The following PRTN3 variants were observed in gnomAD, a reference collection of about 807,000 sequenced individuals.
PRTN3 encodes myeloblastin.
PRTN3 carries 22 observed loss-of-function variants against 20.7 expected under a neutral mutation model. The ratio of observed to expected loss-of-function variants is 1.06; its 90% CI spans 0.76 to 1.52. The LOEUF is 1.52. Ranked by LOEUF, PRTN3 falls within the 40% of genes most tolerant of loss-of-function variation. The pLI is 0.00. For synonymous variants in PRTN3, 173 were observed against 152.9 expected, an observed-to-expected ratio of 1.13 and a Z score of -0.97; for missense variants, 378 against 359.6, an observed-to-expected ratio of 1.05 and a Z score of -0.41.
Position 847,995 on chromosome 19 carries a change from G to C in PRTN3, c.*26G>C, listed in dbSNP as rs768971334. The C allele has an allele frequency of 1.9e-6, 3 of 1,577,022 alleles. No individual in the cohort carries two copies. The highest frequency in any genetic ancestry group is 2.6e-6 in the Non-Finnish European group (3 of 1,163,100). On this transcript the variant is annotated 3_prime_UTR_variant, in exon 5 of 5. Coordinates refer to ENST00000234347, the MANE Select transcript of PRTN3 (RefSeq NM_002777.4). ...ACCGCCCCTCCCACAGCGCTGGCCG[G>C]GACCCCGAGCCTGGCTCCAAACCCT...
intron 3 of PRTN3, 137 bp downstream of exon 3, chr19:844,171 G>C: frequency 1.7e-6 from 2 of 1,204,070 alleles, no homozygotes; most frequent in Non-Finnish European, 2.2e-6. Context: ...GGGTCCAGTG[G>C]CACTGGCCGG....
chr19:847,108 C>T (rs1414527769), intron 4 of PRTN3, among the ~76,000 whole-genome samples: 1 of 152,132 alleles, frequency 6.6e-6, no homozygotes, highest in Non-Finnish European at 1.5e-5. Context: ...GAGTTCAAGA[C>T]CAGCCTGGGC....
intron 1 of PRTN3, among the ~76,000 whole-genome samples, chr19:842,534 C>T (rs923298466): frequency 6.2e-5 from 9 of 144,338 alleles, no homozygotes; most frequent in Non-Finnish European, 1.2e-4. Flanking sequence ...ATTCTCCTGC[C>T]TCAGCCTCCC....
rs7257699 is a variant in PRTN3, at chr19:843,454, C to G, written c.62-7C>G. The G allele has an allele frequency of 4.6e-4, 720 of 1,553,524 alleles. 4 individuals are homozygous for G. Among genetic ancestry groups the G allele is most frequent in the South Asian group, 4.0e-4 (34 of 85,014 alleles). On this transcript the variant is annotated splice_region_variant and splice_polypyrimidine_tract_variant and intron_variant, in intron 1 of 4. Transcript: ENST00000234347. ...GGCTCCCTGACGCCTGGACTCCCCC[C>G]CTGCAGGTGCTGCCCGAGCTGCGGA...
intron 1 of PRTN3, among the ~76,000 whole-genome samples, chr19:842,432 TTTTTTG>T: frequency 7.6e-6 from 1 of 132,202 alleles, no homozygotes; most frequent in Non-Finnish European, 1.6e-5. Context: ...TTTTTTTTTT[TTTTTTG>T]AGACAGAATC....
chr19:841,540 G>GTGAGTGAATGAATGAGTGAA (rs1212355280), intron 1 of PRTN3, among the ~76,000 whole-genome samples: 7 of 53,858 alleles, frequency 1.3e-4, no homozygotes, highest in East Asian at 3.8e-4. Context: ...GAATCAATGA[G>GTGAGTGAATGAATGAGTGAA]TGAGTGAATG....
In PRTN3 at chr19:846,774, G is replaced by A. The variant is rs56249822; in HGVS notation, c.600+397G>A. 5.3e-3 allele frequency among the ~76,000 whole-genome samples: 813 copies of A among 152,180 alleles called. 6 individuals carry two copies. The highest frequency in any genetic ancestry group is 0.018 in the African/African-American group (749 of 41,508). On this transcript the variant is annotated intron_variant, in intron 4 of 4. Transcript: ENST00000234347. ...TTGTTTGTTTTTGAGACGGAGTGTC[G>A]CTCTGTTGTCCAGGCTGGAGTGCAG...
intron 1 of PRTN3, 161 bp from the exon 2 acceptor site, chr19:843,300 A>AC (rs537237865): frequency 7.1e-5 from 48 of 677,918 alleles, no homozygotes; most frequent in Admixed American, 1.9e-4. Flanking sequence ...CGTAATTATA[A>AC]CCCCCCCGGC....
chr19:844,166 C>T, intron 3 of PRTN3, 132 bp downstream of exon 3: 1 of 1,243,142 alleles, frequency 8.0e-7, no homozygotes, highest in South Asian at 1.5e-5. Context: ...AGCCTGGGTC[C>T]AGTGGCACTG....
chr19:847,940 C>T lies in PRTN3; in HGVS notation c.742C>T (p.Arg248Cys), dbSNP rs1450238213. 7 of 1,605,368 alleles carry T rather than the reference C, an allele frequency of 4.4e-6. No homozygotes were observed. The highest frequency in any genetic ancestry group is 5.1e-6 in the Non-Finnish European group (6 of 1,176,014). ...CGTGGACTGGATCCGTTCCACGCTG[C>T]GCCGTGTGGAGGCCAAGGGCCGCCC... ...LYVDWIRSTLRRVEAKGRP is the reference protein window; with the variant it reads ...LYVDWIRSTLCRVEAKGRP Residue 248 changes from arginine to cysteine, a missense_variant, in exon 5 of 5, where the codon CGC becomes TGC. Arg to Cys is a radical substitution (Grantham distance 180, BLOSUM62 -3). Coordinates refer to ENST00000234347, the MANE Select transcript of PRTN3 (RefSeq NM_002777.4).
rs1335617998 is a variant in PRTN3 at position 846,210 on chromosome 19, C to G, written c.433C>G (p.Pro145Ala). 6.5e-7 allele frequency: 1 copy of G among 1,544,838 alleles called. No individual in the cohort carries two copies. Among genetic ancestry groups the G allele is most frequent in the Non-Finnish European group, 8.7e-7 (1 of 1,144,012 alleles). The change falls in exon 4 of 5, where the codon CCA (proline) becomes GCA (alanine). Residue 145 changes from proline to alanine, a missense_variant. By Grantham distance (27) the Pro-to-Ala change is conservative. Transcript: ENST00000234347. ...ATVQLPQQDQPVPHGTQCLAM... is the reference protein window; with the variant it reads ...ATVQLPQQDQAVPHGTQCLAM... ...AGTCCAGCTGCCACAGCAGGACCAG[C>G]CAGTGCCCCACGGCACCCAGTGCCT...
At chr19:845,160 C>T (rs2035500204) in intron 3 of PRTN3, among the ~76,000 whole-genome samples, 1 of 151,886 alleles carries the variant, frequency 6.6e-6, no homozygotes, top group East Asian at 2.0e-4. Context: ...GTTGGCCAGG[C>T]TGGTCTCGAA....
chr19:843,967 C>A lies in PRTN3; in HGVS notation c.302C>A (p.Ser101Ter), dbSNP rs763921043. ...RTQEPTQQHF[S>*]VAQVFLNNYD... ...CAGGAGCCCACCCAGCAGCACTTCT[C>A]GGTGGCTCAGGTGTTTCTGAACAAC... Residue 101 changes from serine (S) to a stop codon, truncating the protein, a stop_gained, in exon 3 of 5, where the codon TCG becomes TAG. Transcript: ENST00000234347. LOFTEE classifies it high-confidence loss of function. 3 of 1,604,242 alleles carry A rather than the reference C, an allele frequency of 1.9e-6. No individual in the cohort carries two copies. The highest frequency in any genetic ancestry group is 2.6e-6 in the Non-Finnish European group (3 of 1,176,084).
intron 4 of PRTN3, 85 bp from the exon 5 acceptor site, chr19:847,714 G>GC: frequency 1.4e-6 from 2 of 1,463,818 alleles, no homozygotes; most frequent in Non-Finnish European, 1.8e-6. Flanking sequence ...GACTCAGGTG[G>GC]CCCCTGATGG....
intron 2 of PRTN3, 86 bp downstream of exon 2, chr19:843,712 G>A: frequency 2.0e-6 from 3 of 1,487,346 alleles, no homozygotes; most frequent in South Asian, 2.6e-5. Flanking sequence ...TGCCCGGGGA[G>A]GACCCAGCTA....
At chr19:842,439 A>ATTTTTTTTT (rs1568298722) in intron 1 of PRTN3, among the ~76,000 whole-genome samples, 1 of 18,664 alleles carries the variant, frequency 5.4e-5, no homozygotes, top group Non-Finnish European at 9.8e-5. Context: ...TTTTTTTTTG[A>ATTTTTTTTT]GACAGAATCT....
At position 847,819 on chromosome 19, in the gene PRTN3, G is replaced by A; in HGVS notation, c.621G>A (p.Leu207=). 1 of 1,608,910 alleles carries A rather than the reference G, an allele frequency of 6.2e-7. No homozygotes were observed. Among genetic ancestry groups the A allele is most frequent in the Non-Finnish European group, 8.5e-7 (1 of 1,177,474 alleles). Residue 207 remains leucine, a synonymous_variant, in exon 5 of 5, where the codon CTG becomes CTA. Transcript: ENST00000234347. ...TCCAGGGAGACTCAGGTGGCCCCCT[G>A]ATCTGTGATGGCATCATCCAAGGAA... ...GICFGDSGGP[L]ICDGIIQGID...
chr19:841,055 C>T lies in PRTN3; in HGVS notation c.47C>T (p.Ala16Val), dbSNP rs985258189. Residue 16 changes from alanine to valine, a missense_variant, in exon 1 of 5, where the codon GCC (alanine) becomes GTC (valine). Physicochemically the swap from Ala to Val is moderately conservative, Grantham distance 64 (BLOSUM62 0). Transcript: ENST00000234347. ...PSPALASVLL[A>V]LLLSGAARAA... ...CCTGCCCTGGCGTCCGTGCTGCTGG[C>T]CTTGCTGCTGAGCGGTGAGTGAGCC... is the stretch of plus-strand genomic sequence containing the variant. 1.9e-5 allele frequency: 31 copies of T among 1,606,718 alleles called. No individual in the cohort carries two copies. The highest frequency in any genetic ancestry group is 4.5e-5 in the East Asian group (2 of 44,884).
At position 843,990 on chromosome 19, in the gene PRTN3, A is replaced by G. The variant is rs756925406; in HGVS notation, c.325A>G (p.Asn109Asp). The change falls in exon 3 of 5, where the codon AAC becomes GAC. Residue 109 changes from asparagine (N) to aspartate (D), a missense_variant. Asn to Asp is a conservative substitution (Grantham distance 23). Coordinates refer to ENST00000234347, the MANE Select transcript of PRTN3 (RefSeq NM_002777.4). ...CTCGGTGGCTCAGGTGTTTCTGAACAACTACGACGCGGAGAACAAACTGAA... is the reference window on the plus strand; with the variant it reads ...CTCGGTGGCTCAGGTGTTTCTGAACGACTACGACGCGGAGAACAAACTGAA... ...HFSVAQVFLN[N>D]YDAENKLNDV... 1.9e-5 allele frequency: 30 copies of G among 1,606,586 alleles called. No homozygotes were observed. The South Asian group carries it at 3.3e-4, about 17-fold the overall frequency.
Sources: allele counts gnomAD v4.1 joint callset (sites outside exome capture counted in the v4.1 genomes callset), GRCh38; gene constraint gnomAD v4.1.1; transcripts MANE v1.5; gene names NCBI Gene and HGNC (gene_info 2026-07-23, HGNC 2026-07-21).